Variants in CCSER1 observed in about 807,000 individuals in gnomAD.
CCSER1 encodes the protein coiled-coil serine rich protein 1.
A neutral mutation model predicts 82.0 loss-of-function variants in CCSER1; 41 were observed. The ratio of observed to expected loss-of-function variants is 0.50; its 90% CI spans 0.39 to 0.65. CCSER1 has a LOEUF of 0.65. CCSER1 is among the 30% of genes least tolerant of loss of function. The probability of loss-of-function intolerance (pLI) is 0.00; values close to 1 mark genes in which losing one functional copy is unlikely to be tolerated. For synonymous variants in CCSER1, 414 were observed against 383.9 expected, an observed-to-expected ratio of 1.08 and a Z score of -0.92; for missense variants, 1,119 against 1,064.2, an observed-to-expected ratio of 1.05 and a Z score of -0.72.
chr4:91,534,894 T>C (rs998061979), intron 10 of CCSER1, among the ~76,000 whole-genome samples: 1 of 151,822 alleles, frequency 6.6e-6, no homozygotes, highest in African/African-American at 2.4e-5. Context: ...CATCCAACAA[T>C]CCAACATTCT....
intron 5 of CCSER1, among the ~76,000 whole-genome samples, chr4:90,612,349 G>C (rs1249141371): frequency 1.3e-5 from 2 of 151,958 alleles, no homozygotes; most frequent in Non-Finnish European, 2.9e-5. Context: ...TGGAGAACGG[G>C]GTATATTTCA....
At chr4:91,249,923 GA>G (rs1235732715) in intron 10 of CCSER1, among the ~76,000 whole-genome samples, 1 of 148,340 alleles carries the variant, frequency 6.7e-6, no homozygotes, top group Non-Finnish European at 1.5e-5. Flanking sequence ...GTTCTGGGGG[GA>G]AAGAAAAGAT....
At chr4:90,589,659 A>G (rs1182671168) in intron 5 of CCSER1, among the ~76,000 whole-genome samples, 3 of 152,156 alleles carry the variant, frequency 2.0e-5, no homozygotes, top group African/African-American at 7.2e-5. Context: ...AGTTCATTAT[A>G]TGAAGCTCTG....
chr4:90,198,816 T>G (rs1007045573), intron 1 of CCSER1, among the ~76,000 whole-genome samples: 2 of 152,110 alleles, frequency 1.3e-5, no homozygotes. Flanking sequence ...TTCAGAAATC[T>G]CTATAAAGCT....
At chr4:91,194,834 A>C (rs1475263600) in intron 10 of CCSER1, among the ~76,000 whole-genome samples, 1 of 152,238 alleles carries the variant, frequency 6.6e-6, no homozygotes. Flanking sequence ...TGTAAAAAGC[A>C]TAGCTTACTT....
intron 1 of CCSER1, among the ~76,000 whole-genome samples, chr4:90,251,134 T>C (rs2153441207): frequency 6.6e-6 from 1 of 151,970 alleles, no homozygotes; most frequent in East Asian, 1.9e-4. Context: ...AAATATAAGA[T>C]CATAAGATCA....
At chr4:90,423,428 G>A (rs1757023378) in intron 4 of CCSER1, among the ~76,000 whole-genome samples, 3 of 151,952 alleles carry the variant, frequency 2.0e-5, no homozygotes, top group Admixed American at 2.0e-4. Flanking sequence ...GTTTCACCAT[G>A]TTGGCCAGGA....
rs142927618 is a variant in CCSER1 at position 90,184,575 on chromosome 4, C to T, written c.-42+56744C>T. On this transcript the variant is annotated intron_variant, in intron 1 of 10. Coordinates refer to ENST00000509176, the MANE Select transcript of CCSER1 (RefSeq NM_001145065.2). ...TATTTTATTGAAAGGTTTTATTAAT[C>T]GAATAAAAATGAGAGCATGCTACAT... Among the ~76,000 whole-genome samples, 926 of 152,052 alleles carry T rather than the reference C, an allele frequency of 6.1e-3. 12 individuals carry two copies. Among genetic ancestry groups the T allele is most frequent in the African/African-American group, 0.021 (862 of 41,472 alleles).
At chr4:90,980,572 A>T (rs972843038) in intron 9 of CCSER1, among the ~76,000 whole-genome samples, 11 of 151,818 alleles carry the variant, frequency 7.2e-5, no homozygotes, top group African/African-American at 2.7e-4. Flanking sequence ...ACTAGTTAGG[A>T]TGATATTGCA....
chr4:91,404,850 G>T (rs1752589463), intron 10 of CCSER1, among the ~76,000 whole-genome samples: 1 of 152,222 alleles, frequency 6.6e-6, no homozygotes, highest in South Asian at 2.1e-4. Flanking sequence ...GCAATGAGGT[G>T]ATGAGAAGAA....
chr4:91,335,774 C>G (rs900875950), intron 10 of CCSER1, among the ~76,000 whole-genome samples: 6 of 151,900 alleles, frequency 3.9e-5, no homozygotes, highest in African/African-American at 1.4e-4. Context: ...ATTTCTTTAG[C>G]AGCATCATGA....
intron 10 of CCSER1, among the ~76,000 whole-genome samples, chr4:91,147,882 C>A (rs1729706278): frequency 6.6e-6 from 1 of 152,192 alleles, no homozygotes; most frequent in Admixed American, 6.5e-5. Context: ...TTTACAGCTA[C>A]AGTAACTGCC....
At chr4:90,234,362 G>A (rs958424493) in intron 1 of CCSER1, among the ~76,000 whole-genome samples, 2 of 151,904 alleles carry the variant, frequency 1.3e-5, no homozygotes, top group East Asian at 3.9e-4. Flanking sequence ...GATTACAGGT[G>A]CCCGCCACCA....
intron 4 of CCSER1, among the ~76,000 whole-genome samples, chr4:90,464,960 TC>T (rs1478267276): frequency 6.6e-6 from 1 of 152,354 alleles, no homozygotes; most frequent in East Asian, 1.9e-4. Context: ...AAATGTCACA[TC>T]AGCAGTATCC....
intron 10 of CCSER1, among the ~76,000 whole-genome samples, chr4:91,130,400 G>C (rs1335605921): frequency 3.3e-5 from 5 of 151,742 alleles, no homozygotes; most frequent in Admixed American, 3.3e-4. Flanking sequence ...TATTCTCTGT[G>C]TGTCTGGATA....
At chr4:90,702,024 G>A (rs1270082886) in intron 6 of CCSER1, among the ~76,000 whole-genome samples, 1 of 152,130 alleles carries the variant, frequency 6.6e-6, no homozygotes, top group Non-Finnish European at 1.5e-5. Context: ...AATAGGAGCG[G>A]TGAGAGAGGG....
chr4:90,772,417 T>A (rs1752319591), intron 7 of CCSER1, among the ~76,000 whole-genome samples: 1 of 152,190 alleles, frequency 6.6e-6, no homozygotes, highest in South Asian at 2.1e-4. Flanking sequence ...ATTTATTGAT[T>A]ACTGTTCTAT....
intron 6 of CCSER1, among the ~76,000 whole-genome samples, chr4:90,660,479 T>C (rs1175855549): frequency 2.0e-5 from 3 of 152,084 alleles, no homozygotes. Context: ...TTAATGAAAA[T>C]GTGTCATAAC....
chr4:90,497,298 A>T (rs1484711221), intron 5 of CCSER1, among the ~76,000 whole-genome samples: 1 of 152,142 alleles, frequency 6.6e-6, no homozygotes, highest in East Asian at 1.9e-4. Context: ...GATACATATG[A>T]GTTTCAGTTA....
Sources: allele counts gnomAD v4.1 joint callset (sites outside exome capture counted in the v4.1 genomes callset), GRCh38; gene constraint gnomAD v4.1.1; transcripts MANE v1.5; gene names NCBI Gene and HGNC (gene_info 2026-07-23, HGNC 2026-07-21).